The following SLC24A3 variants were observed in gnomAD, a reference collection of about 807,000 sequenced individuals.
SLC24A3 encodes the protein solute carrier family 24 member 3, also known as sodium/potassium/calcium exchanger 3.
In SLC24A3, 28 loss-of-function variants were observed where a neutral mutation model predicts 75.8. That is an observed-to-expected ratio of 0.37 (90% CI 0.27 to 0.51). The LOEUF is 0.51. SLC24A3 is among the 20% of genes least tolerant of loss of function. The pLI, the probability that SLC24A3 is intolerant of heterozygous loss-of-function variation, is 0.94. For missense variants in SLC24A3, 663 were observed against 847.8 expected, an observed-to-expected ratio of 0.78 and a Z score of 2.71; for synonymous variants, 372 against 334.1, an observed-to-expected ratio of 1.11 and a Z score of -1.24.
Position 19,259,552 on chromosome 20 carries a change from A to G in SLC24A3, c.143-21407A>G, listed in dbSNP as rs1471081357. Among the ~76,000 whole-genome samples the G allele has an allele frequency of 2.6e-5, 4 of 152,212 alleles. No individual in the cohort carries two copies. In the South Asian group the frequency reaches 6.2e-4, roughly 24 times the overall value. On this transcript the variant is annotated intron_variant, in intron 1 of 16. Coordinates refer to ENST00000328041, the MANE Select transcript of SLC24A3 (RefSeq NM_020689.4). ...AAGGTGATGTGACCACAGTGGCCACATGGCAGCCAGTCATGGCCACCCCTG... is the reference window on the plus strand; with the variant it reads ...AAGGTGATGTGACCACAGTGGCCACGTGGCAGCCAGTCATGGCCACCCCTG...
intron 2 of SLC24A3, among the ~76,000 whole-genome samples, chr20:19,396,319 A>G (rs1299124579): frequency 6.6e-6 from 1 of 152,252 alleles, no homozygotes; most frequent in Non-Finnish European, 1.5e-5. Flanking sequence ...TCTAATAGCT[A>G]CATTAAATAA....
intron 6 of SLC24A3, among the ~76,000 whole-genome samples, chr20:19,592,797 C>CTTT (rs11480179): frequency 1.6e-5 from 2 of 126,750 alleles, no homozygotes; most frequent in South Asian, 2.5e-4. Context: ...TTCTTTCTTT[C>CTTT]TTTTTTTTTT....
chr20:19,325,264 A>AAT (rs1984811456), intron 2 of SLC24A3, among the ~76,000 whole-genome samples: 2 of 150,494 alleles, frequency 1.3e-5, no homozygotes, highest in African/African-American at 4.9e-5. Flanking sequence ...CTGCACTACA[A>AAT]AATAATAATA....
chr20:19,457,141 G>T (rs958641028), intron 2 of SLC24A3, among the ~76,000 whole-genome samples: 3 of 151,920 alleles, frequency 2.0e-5, no homozygotes, highest in Non-Finnish European at 2.9e-5. Context: ...TGTGGCCTGG[G>T]ATGTAAAGGG....
intron 2 of SLC24A3, among the ~76,000 whole-genome samples, chr20:19,343,430 G>A (rs774749106): frequency 3.3e-5 from 5 of 152,198 alleles, no homozygotes; most frequent in African/African-American, 4.8e-5. Context: ...ATTAACACAC[G>A]TGAAGCAATT....
chr20:19,301,634 A>G (rs751993763), intron 2 of SLC24A3, among the ~76,000 whole-genome samples: 14 of 152,140 alleles, frequency 9.2e-5, no homozygotes, highest in Non-Finnish European at 1.6e-4. Context: ...AGTAAGTCGT[A>G]TTTCTTTTCC....
chr20:19,666,323 G>A (rs1001926771), intron 8 of SLC24A3, among the ~76,000 whole-genome samples: 3 of 151,688 alleles, frequency 2.0e-5, no homozygotes, highest in African/African-American at 2.4e-5. Flanking sequence ...TGGCTAATAC[G>A]GTGAAACCTC....
chr20:19,406,036 A>C (rs1986637923), intron 2 of SLC24A3, among the ~76,000 whole-genome samples: 1 of 152,220 alleles, frequency 6.6e-6, no homozygotes, highest in Admixed American at 6.5e-5. Context: ...AACTTGCTGG[A>C]GTCTTGGGCC....
chr20:19,620,821 G>C (rs147711379), intron 6 of SLC24A3, among the ~76,000 whole-genome samples: 109 of 152,340 alleles, frequency 7.2e-4, no homozygotes, highest in African/African-American at 2.5e-3. Flanking sequence ...GCCTTGCAAA[G>C]ACAGAGAGGG....
At chr20:19,698,886 T>C (rs1325051207) in intron 15 of SLC24A3, among the ~76,000 whole-genome samples, 1 of 152,206 alleles carries the variant, frequency 6.6e-6, no homozygotes, top group African/African-American at 2.4e-5. Flanking sequence ...AGCAAACTTT[T>C]TCTGTCGAGG....
intron 3 of SLC24A3, among the ~76,000 whole-genome samples, chr20:19,536,757 C>G (rs1373482351): frequency 6.6e-6 from 1 of 152,110 alleles, no homozygotes; most frequent in African/African-American, 2.4e-5. Flanking sequence ...ACAAACCTGA[C>G]AAAAACAGGC....
At position 19,678,257 on chromosome 20, in the gene SLC24A3, G is replaced by A. The variant is rs1395047729; in HGVS notation, c.768-3601G>A. ...CAGACGGGGTGGTGGCCGGGCAGAG[G>A]GGCTCCTCACTTCCCAGTAGGGGCG... On this transcript the variant is annotated intron_variant, in intron 9 of 16. Coordinates refer to ENST00000328041, the MANE Select transcript of SLC24A3 (RefSeq NM_020689.4). Among the ~76,000 whole-genome samples, 4 of 149,442 alleles carry A rather than the reference G, an allele frequency of 2.7e-5. No individual in the cohort carries two copies. The East Asian group carries it at 7.9e-4, about 30-fold the overall frequency.
In SLC24A3 at chr20:19,244,646, A is replaced by C. The variant is rs112628842; in HGVS notation, c.142+31662A>C. On this transcript the variant is annotated intron_variant, in intron 1 of 16. Transcript: ENST00000328041. ...AATAGGAATTCAGGTGTCTATCCTC[A>C]GGGCAGAGGCGAGTCTTTGAAGGGC... Among the ~76,000 whole-genome samples the C allele has an allele frequency of 7.7e-3, 1,178 of 152,302 alleles. 16 individuals are homozygous for C. The highest frequency in any genetic ancestry group is 0.027 in the African/African-American group (1,124 of 41,564).
chr20:19,704,158 G>A (rs2032902215), intron 15 of SLC24A3, among the ~76,000 whole-genome samples: 1 of 141,532 alleles, frequency 7.1e-6, no homozygotes, highest in African/African-American at 2.7e-5. Context: ...TGGATGGATG[G>A]ATGGATGGAG....
intron 1 of SLC24A3, among the ~76,000 whole-genome samples, chr20:19,257,055 G>A (rs538535490): frequency 1.5e-4 from 23 of 152,058 alleles, no homozygotes; most frequent in Non-Finnish European, 2.9e-4. Flanking sequence ...TCCACAAAAC[G>A]ATCCCTAGGT....
intron 6 of SLC24A3, among the ~76,000 whole-genome samples, chr20:19,611,549 G>A (rs1283788290): frequency 3.9e-5 from 6 of 152,206 alleles, no homozygotes; most frequent in Non-Finnish European, 7.4e-5. Flanking sequence ...CTTTGGCCAA[G>A]TCCAGAACCT....
intron 2 of SLC24A3, among the ~76,000 whole-genome samples, chr20:19,431,231 T>G (rs1987096831): frequency 6.7e-6 from 1 of 149,032 alleles, no homozygotes; most frequent in South Asian, 2.2e-4. Flanking sequence ...GAGAAACAGA[T>G]GCCAAGACAG....
In SLC24A3 at chr20:19,556,047, G is replaced by A. The variant is rs555363473; in HGVS notation, c.349-23953G>A. Among the ~76,000 whole-genome samples, 215 of 152,080 alleles carry A rather than the reference G, an allele frequency of 1.4e-3. 1 individual carries two copies. Among genetic ancestry groups the A allele is most frequent in the Admixed American group, 4.4e-3 (67 of 15,274 alleles). On this transcript the variant is annotated intron_variant, in intron 3 of 16. Coordinates refer to ENST00000328041, the MANE Select transcript of SLC24A3 (RefSeq NM_020689.4). The stretch of plus-strand genomic sequence containing the variant: ...GGTTCAGAGATGCCACCTTTTTGCT[G>A]TGTCCTCACATGGTGGAAGGGGCAA...
intron 3 of SLC24A3, among the ~76,000 whole-genome samples, chr20:19,578,302 G>C (rs545784617): frequency 7.2e-5 from 11 of 151,960 alleles, no homozygotes; most frequent in Non-Finnish European, 1.6e-4. Context: ...GCGTGTGTGT[G>C]CCTGTGGGTG....
Sources: allele counts gnomAD v4.1 joint callset (sites outside exome capture counted in the v4.1 genomes callset), GRCh38; gene constraint gnomAD v4.1.1; transcripts MANE v1.5; gene names NCBI Gene and HGNC (gene_info 2026-07-23, HGNC 2026-07-21).